DRG2: variants seen among roughly 807,000 people sequenced by gnomAD.
The protein encoded by DRG2 is developmentally-regulated GTP-binding protein 2.
A neutral mutation model predicts 53.4 loss-of-function variants in DRG2; 36 were observed. The ratio of observed to expected loss-of-function variants is 0.67; its 90% confidence interval spans 0.52 to 0.89. The LOEUF is 0.89. Among genes scored for constraint, DRG2 ranks in the 40% least tolerant of loss-of-function variants. The pLI is 0.00. For missense variants in DRG2, 342 were observed against 481.2 expected, an observed-to-expected ratio of 0.71 and a Z score of 2.71; for synonymous variants, 167 against 192.1, an observed-to-expected ratio of 0.87 and a Z score of 1.08.
intron 7 of DRG2, among the ~76,000 whole-genome samples, chr17:18,101,095 G>T (rs2045525589): frequency 6.6e-6 from 1 of 152,292 alleles, no homozygotes; most frequent in East Asian, 1.9e-4. Context: ...AGAGTCAGCT[G>T]TGAGCCCCTC....
Position 18,088,092 on chromosome 17 carries a change from G to T in DRG2, c.64+5G>T. ...CTCGGACACAGAAGAACAAGGGTGAGGGCCGGCCGGGCGGGGCCTTCCTTT... is the reference window on the plus strand; with the variant it reads ...CTCGGACACAGAAGAACAAGGGTGATGGCCGGCCGGGCGGGGCCTTCCTTT... On this transcript the variant is annotated splice_donor_5th_base_variant and intron_variant, in intron 1 of 12. Transcript: ENST00000225729. 1 of 1,542,286 alleles carries T rather than the reference G, an allele frequency of 6.5e-7. No individual in the cohort carries two copies. Among genetic ancestry groups the T allele is most frequent in the South Asian group, 1.2e-5 (1 of 82,482 alleles).
intron 1 of DRG2, among the ~76,000 whole-genome samples, chr17:18,090,368 T>TTATTTTTA (rs1258672077): frequency 1.2e-4 from 3 of 25,518 alleles, no homozygotes; most frequent in Admixed American, 5.4e-4. Flanking sequence ...CCGGGCTAAT[T>TTATTTTTA]TATATATATA....
Position 18,106,267 on chromosome 17 carries a change from G to A in DRG2, c.955-166G>A, listed in dbSNP as rs1426964841. 7.5e-6 allele frequency: 5 copies of A among 667,040 alleles called. No homozygotes were observed. The Admixed American group carries it at 1.1e-4, about 15-fold the overall frequency. 41.3% of individuals were successfully genotyped at this position (667,040 alleles called of 1,614,324 possible). On this transcript the variant is annotated intron_variant, in intron 11 of 12. Coordinates refer to ENST00000225729, the MANE Select transcript of DRG2 (RefSeq NM_001388.5). ...TGCAGCTGTGATTGGGTGGCTATGT[G>A]CGAATTGAGCACGTCAGTCCTCCAC...
At chr17:18,094,768 A>G (rs970696600) in intron 2 of DRG2, among the ~76,000 whole-genome samples, 27 of 152,038 alleles carry the variant, frequency 1.8e-4, no homozygotes, top group African/African-American at 6.3e-4. Flanking sequence ...TGAGGTTGGG[A>G]GTTCAAGACC....
In DRG2 at chr17:18,098,930, G is replaced by A. The variant is rs538841364; in HGVS notation, c.316-87G>A. ...GGTTTCCCTCAGCCCCTGAGCCCCG[G>A]GGCCATTCCAGATGTCCCAGATCCA... On this transcript the variant is annotated intron_variant, in intron 3 of 12. Transcript: ENST00000225729. This position sits in a 1 kb window ranked among gnomAD's most constrained non-coding sequence, Gnocchi z 4.1. 3 of 1,501,390 alleles carry A rather than the reference G, an allele frequency of 2.0e-6. No individual in the cohort carries two copies. The highest frequency in any genetic ancestry group is 2.8e-5 in the African/African-American group (2 of 72,388). The allele number at this position is 1,501,390 out of a possible 1,614,324, so 93.0% of individuals were successfully genotyped here. A position where few individuals can be genotyped will look rare whatever the true frequency, so the allele number is the denominator to read the frequency against.
intron 9 of DRG2, among the ~76,000 whole-genome samples, chr17:18,102,972 A>C (rs1437655679): frequency 6.6e-6 from 1 of 152,224 alleles, no homozygotes; most frequent in Non-Finnish European, 1.5e-5. Flanking sequence ...CTTGGCCAAC[A>C]GTACTGAGAG....
In DRG2 at chr17:18,093,860, C is replaced by A. The variant is rs909461976; in HGVS notation, c.112C>A (p.Arg38=). ...GCTGAAAGCTAAGCTCGCCAAGTAT[C>A]GGGCCCAGCTCCTGGAACCGTCCAA... The part of the protein sequence containing the change: ...GLLKAKLAKY[R]AQLLEPSKSA... The change falls in exon 2 of 13, where the codon CGG becomes AGG. Residue 38 remains arginine (R), a synonymous_variant. Coordinates refer to ENST00000225729, the MANE Select transcript of DRG2 (RefSeq NM_001388.5). 2 of 1,614,040 alleles carry A rather than the reference C, an allele frequency of 1.2e-6. No individual in the cohort carries two copies. The highest frequency in any genetic ancestry group is 2.7e-5 in the African/African-American group (2 of 74,916).
rs2272570 is a variant in DRG2, at chr17:18,100,357, T to G, written c.468-6T>G. ...CTGTGAGGGGCTTAAGGGGTACTCT[T>G]CCTAGGTCTCTGCTGGAGAAGGAGC... On this transcript the variant is annotated splice_region_variant and splice_polypyrimidine_tract_variant and intron_variant, in intron 5 of 12. Coordinates refer to ENST00000225729, the MANE Select transcript of DRG2 (RefSeq NM_001388.5). This position sits in a 1 kb window ranked among gnomAD's most constrained non-coding sequence, Gnocchi z 4.1. The G allele has an allele frequency of 0.92, 1,478,617 of 1,613,964 alleles. 677,740 individuals are homozygous for G. The highest frequency in any genetic ancestry group is 0.95 in the South Asian group (86,752 of 91,080).
Position 18,107,137 on chromosome 17 carries a change from C to T in DRG2, c.1009-17C>T. ...GTCCAGGCTGAGGTGACCCCTCTGC[C>T]CCCATTCCTCACCCAGGGCACCAGC... On this transcript the variant is annotated splice_polypyrimidine_tract_variant and intron_variant, in intron 12 of 12. Coordinates refer to ENST00000225729, the MANE Select transcript of DRG2 (RefSeq NM_001388.5). 2 of 1,612,556 alleles carry T rather than the reference C, an allele frequency of 1.2e-6. No homozygotes were observed. Among genetic ancestry groups the T allele is most frequent in the Non-Finnish European group, 1.7e-6 (2 of 1,179,674 alleles).
In DRG2 at chr17:18,099,745, G is replaced by A. The variant is rs192792640; in HGVS notation, c.467+22G>A. ...AGAGGTCCGCAGGGTGGGGCATGGG[G>A]CAGGCTCACATGTCTGGGGAGGGCC... On this transcript the variant is annotated intron_variant, in intron 5 of 12. Coordinates refer to ENST00000225729, the MANE Select transcript of DRG2 (RefSeq NM_001388.5). The surrounding 1 kb of genome is among the most constrained non-coding windows in gnomAD (Gnocchi z 4.4). 6 of 1,584,796 alleles carry A rather than the reference G, an allele frequency of 3.8e-6. No individual in the cohort carries two copies. The Admixed American group carries it at 9.2e-5, about 24-fold the overall frequency.
rs1391508783 is a variant in DRG2 at position 18,107,947 on chromosome 17, C to T, written c.*707C>T. The T allele has an allele frequency of 6.6e-6, 1 of 152,340 alleles. No homozygotes were observed. The highest frequency in any genetic ancestry group is 1.5e-5 in the Non-Finnish European group (1 of 68,128). 9.4% of individuals were successfully genotyped at this position (152,340 alleles called of 1,614,324 possible). ...TCCCCAGTTCTCCTGGCTCTCCTTT[C>T]TGAAATAAAGGATTGAAAACGGTTC... On this transcript the variant is annotated 3_prime_UTR_variant, in exon 13 of 13. Transcript: ENST00000225729.
Position 18,103,684 on chromosome 17 carries a change from G to C in DRG2, c.807-117G>C. 2.3e-6 allele frequency: 2 copies of C among 887,066 alleles called. No homozygotes were observed. Among genetic ancestry groups the C allele is most frequent in the East Asian group, 4.8e-5 (2 of 41,330 alleles). The allele number at this position is 887,066 out of a possible 1,614,324, so 54.9% of individuals were successfully genotyped here. Reference sequence around the variant, plus strand: ...CATAGTAATGGGCTTGTTTCCCTGTGGGTACCAGCGGGCCACCTGGCCAGT... The same window carrying C: ...CATAGTAATGGGCTTGTTTCCCTGTCGGTACCAGCGGGCCACCTGGCCAGT... On this transcript the variant is annotated intron_variant, in intron 9 of 12. Transcript: ENST00000225729. The surrounding 1 kb of genome is among the most constrained non-coding windows in gnomAD (Gnocchi z 4.4).
intron 12 of DRG2, among the ~76,000 whole-genome samples, chr17:18,106,944 G>A (rs1452604302): frequency 6.6e-6 from 1 of 152,130 alleles, no homozygotes. Flanking sequence ...ACCTCCAGAA[G>A]TGCTGGGATT....
rs2045489438 is a variant in DRG2, at chr17:18,099,463, AAAT to A, written c.377-167_377-165del. On this transcript the variant is annotated intron_variant, in intron 4 of 12. Coordinates refer to ENST00000225729, the MANE Select transcript of DRG2 (RefSeq NM_001388.5). This position sits in a 1 kb window ranked among gnomAD's most constrained non-coding sequence, Gnocchi z 4.4. ...GATGGTGGTGTCGGATTTTCTTCTG[AAAT>A]AAGTCTCCGTCAGTAAAACATGTGG... 2.8e-6 allele frequency: 2 copies of A among 718,906 alleles called. No individual in the cohort carries two copies. The highest frequency in any genetic ancestry group is 3.3e-5 in the South Asian group (2 of 60,208). 44.5% of individuals were successfully genotyped at this position (718,906 alleles called of 1,614,324 possible).
At position 18,099,263 on chromosome 17, in the gene DRG2, T is replaced by G. The variant is rs774725289; in HGVS notation, c.376+186T>G. 2.7e-5 allele frequency: 19 copies of G among 706,464 alleles called. No individual in the cohort carries two copies. Among genetic ancestry groups the G allele is most frequent in the Non-Finnish European group, 4.2e-5 (18 of 426,674 alleles). The allele number at this position is 706,464 out of a possible 1,614,324, so 43.8% of individuals were successfully genotyped here. A position where few individuals can be genotyped will look rare whatever the true frequency, so the allele number is the denominator to read the frequency against. On this transcript the variant is annotated intron_variant, in intron 4 of 12. Transcript: ENST00000225729. This position sits in a 1 kb window ranked among gnomAD's most constrained non-coding sequence, Gnocchi z 4.4. ...TTGTGATCTTGGGCAAGTGATTGGG[T>G]ATCTCTAAGCCAAGCCTCAGTTTCC...
chr17:18,092,260 T>A (rs2045347517), intron 1 of DRG2, among the ~76,000 whole-genome samples: 1 of 152,040 alleles, frequency 6.6e-6, no homozygotes, highest in Admixed American at 6.6e-5. Context: ...AGCCAGGAGT[T>A]CAAGACCAGC....
chr17:18,092,315 T>A (rs759447865), intron 1 of DRG2, among the ~76,000 whole-genome samples: 9 of 152,094 alleles, frequency 5.9e-5, no homozygotes, highest in Admixed American at 6.6e-5. Context: ...ACAATTTTTT[T>A]AATTAGGCAG....
rs150461100 is a variant in DRG2, at chr17:18,106,412, TG to T, written c.955-20del. 3.1e-4 allele frequency: 495 copies of T among 1,613,964 alleles called. 2 individuals carry two copies. In the East Asian group the frequency reaches 7.8e-3, roughly 25 times the overall value. On this transcript the variant is annotated intron_variant, in intron 11 of 12. Coordinates refer to ENST00000225729, the MANE Select transcript of DRG2 (RefSeq NM_001388.5). ...TTAGGTGAAGCCTCACCTCTCTACCTGACTCTCTCCTGTCCTCCAGTGCCAC... is the reference window on the plus strand; with the variant it reads ...TTAGGTGAAGCCTCACCTCTCTACCTACTCTCTCCTGTCCTCCAGTGCCAC...
At chr17:18,105,290 C>T (rs965205292) in intron 11 of DRG2, among the ~76,000 whole-genome samples, 3 of 152,148 alleles carry the variant, frequency 2.0e-5, no homozygotes, top group African/African-American at 4.8e-5. Flanking sequence ...GTCACATGGC[C>T]GTCCTCCTGG....
Sources: gnomAD v4.1 joint callset for allele counts (sites outside exome capture counted in the v4.1 genomes callset) on GRCh38, gnomAD v4.1.1 for gene constraint, Gnocchi (gnomAD v3.1) non-coding constraint, MANE v1.5 for transcripts, NCBI Gene and HGNC (gene_info 2026-07-23, HGNC 2026-07-21) for gene names.